The following SLC38A10 variants were observed in gnomAD, a reference collection of about 807,000 sequenced individuals.
SLC38A10 encodes the protein solute carrier family 38 member 10.
SLC38A10 carries 53 observed loss-of-function variants against 81.0 expected under a neutral mutation model. The ratio of observed to expected loss-of-function variants is 0.65; its 90% CI spans 0.53 to 0.82. The LOEUF is 0.82. Ranked by LOEUF, SLC38A10 falls within the 40% of genes least tolerant of loss-of-function variation. SLC38A10 has a pLI of 0.00. For missense variants in SLC38A10, 1,471 were observed against 1,545.0 expected, an observed-to-expected ratio of 0.95 and a Z score of 0.80; for synonymous variants, 665 against 655.3, an observed-to-expected ratio of 1.01 and a Z score of -0.23.
chr17:81,257,965 G>T (rs1437496816), intron 11 of SLC38A10, among the ~76,000 whole-genome samples: 2 of 152,262 alleles, frequency 1.3e-5, no homozygotes, highest in Non-Finnish European at 2.9e-5. Context: ...CCTTCAGGGT[G>T]CTAGAGAGAG....
rs988909439 is a variant in SLC38A10 at position 81,286,415 on chromosome 17, C to T, written c.218-1520G>A. Among the ~76,000 whole-genome samples the T allele has an allele frequency of 6.6e-6, 1 of 152,172 alleles. No individual in the cohort carries two copies. Among genetic ancestry groups the T allele is most frequent in the Non-Finnish European group, 1.5e-5 (1 of 68,036 alleles). ...CACCACGCTGAGACACGGCCCCACG[C>T]GCCTTCTTTTCCCCACCTGGGCCAA... On this transcript the variant is annotated intron_variant, in intron 2 of 15. Transcript: ENST00000374759. This position sits in a 1 kb window ranked among gnomAD's most constrained non-coding sequence, Gnocchi z 6.0.
intron 8 of SLC38A10, among the ~76,000 whole-genome samples, chr17:81,272,833 G>A (rs778069043): frequency 5.3e-5 from 8 of 152,168 alleles, no homozygotes; most frequent in Non-Finnish European, 1.2e-4. Context: ...TGCCAGGAAG[G>A]CACGAGGGCT....
intron 11 of SLC38A10, among the ~76,000 whole-genome samples, chr17:81,257,529 G>A (rs1277256064): frequency 1.3e-5 from 2 of 152,200 alleles, no homozygotes; most frequent in African/African-American, 2.4e-5. Flanking sequence ...CCCGCCATCC[G>A]TGCAGGACCT....
chr17:81,255,874 T>C (rs1052951697), intron 11 of SLC38A10, among the ~76,000 whole-genome samples: 12 of 152,182 alleles, frequency 7.9e-5, no homozygotes, highest in African/African-American at 2.9e-4. Flanking sequence ...TCTCGGCTAC[T>C]CAGAGGCTGA....
chr17:81,272,812 A>C (rs1021820332), intron 8 of SLC38A10, among the ~76,000 whole-genome samples, 185 bp from the exon 9 acceptor site: 4 of 152,166 alleles, frequency 2.6e-5, no homozygotes, highest in African/African-American at 9.7e-5. Context: ...CTTAAACGGG[A>C]ACCTGCAGCA....
chr17:81,272,727 C>G, intron 8 of SLC38A10, 100 bp from the exon 9 acceptor site: 1 of 786,596 alleles, frequency 1.3e-6, no homozygotes, highest in Non-Finnish European at 1.9e-6. Context: ...ACACCAGGCA[C>G]ATCTCCACGT....
Position 81,284,838 on chromosome 17 carries a change from G to A in SLC38A10, c.263+12C>T, listed in dbSNP as rs910541013. 76 of 1,537,774 alleles carry A rather than the reference G, an allele frequency of 4.9e-5. No individual in the cohort carries two copies. Among genetic ancestry groups the A allele is most frequent in the Non-Finnish European group, 6.6e-5 (75 of 1,139,740 alleles). On this transcript the variant is annotated intron_variant, in intron 3 of 15. Transcript: ENST00000374759. ...GGGTGGGGGGCAAGCGCAGCGGCAG[G>A]GCGGGGCTTACCTGGTCTCCACCAG...
chr17:81,271,925 C>T (rs2063119441), intron 9 of SLC38A10, among the ~76,000 whole-genome samples: 1 of 151,868 alleles, frequency 6.6e-6, no homozygotes, highest in Non-Finnish European at 1.5e-5. Context: ...GACGGGGTTT[C>T]ACCGTGTTAG....
At chr17:81,250,004 G>A in intron 14 of SLC38A10, 1 of 1,265,874 alleles carries the variant, frequency 7.9e-7, no homozygotes, top group Admixed American at 2.5e-5. Context: ...CCACCGAGGG[G>A]CTGCGCTCAG....
At chr17:81,262,042 G>T (rs1237030533) in intron 10 of SLC38A10, among the ~76,000 whole-genome samples, 1 of 152,236 alleles carries the variant, frequency 6.6e-6, no homozygotes. Flanking sequence ...GTGGTGTCTG[G>T]AAGGTGACCA....
chr17:81,294,702 G>T (rs1343741750), intron 1 of SLC38A10, 121 bp downstream of exon 1: 18 of 830,928 alleles, frequency 2.2e-5, no homozygotes, highest in Admixed American at 4.3e-5. Context: ...CCCCGCCCGC[G>T]GCCGCCTGCA....
At chr17:81,252,140 C>G (rs1055808235) in intron 13 of SLC38A10, 55 bp downstream of exon 13, 2 of 1,486,788 alleles carry the variant, frequency 1.3e-6, no homozygotes, top group African/African-American at 2.8e-5. Context: ...CCCTGCCCAG[C>G]CTCCCCAGCC....
chr17:81,262,349 G>A (rs1426870552), intron 10 of SLC38A10, among the ~76,000 whole-genome samples: 3 of 152,206 alleles, frequency 2.0e-5, no homozygotes, highest in Non-Finnish European at 2.9e-5. Flanking sequence ...GGGTCCGGAT[G>A]GAAATTCAAC....
intron 6 of SLC38A10, among the ~76,000 whole-genome samples, chr17:81,279,424 C>G (rs1326324114): frequency 6.6e-6 from 1 of 152,212 alleles, no homozygotes; most frequent in Non-Finnish European, 1.5e-5. Flanking sequence ...AGAGATGTCT[C>G]TGCTCTCAGA....
In SLC38A10 at chr17:81,245,767, C is replaced by T. The variant is rs765602382; in HGVS notation, c.3149G>A (p.Arg1050Gln). 31 of 1,596,446 alleles carry T rather than the reference C, an allele frequency of 1.9e-5. No individual in the cohort carries two copies. Among genetic ancestry groups the T allele is most frequent in the African/African-American group, 2.7e-5 (2 of 74,626 alleles). Reference sequence around the variant, plus strand: ...AGGGCCAAGGTCCCGCCGTCGCCTCCGGAGGTCGGAGCCAGCCTGCAGTTT... The same window carrying T: ...AGGGCCAAGGTCCCGCCGTCGCCTCTGGAGGTCGGAGCCAGCCTGCAGTTT... ...DLKLQAGSDL[R>Q]RRRRDLGPHA... is the part of the protein sequence containing the mutation. Residue 1050 changes from arginine to glutamine, a missense_variant, in exon 16 of 16, where the codon CGG (arginine) becomes CAG (glutamine). Coordinates refer to ENST00000374759, the MANE Select transcript of SLC38A10 (RefSeq NM_001037984.3).
chr17:81,287,483 C>T (rs1030132487), intron 2 of SLC38A10, among the ~76,000 whole-genome samples: 1 of 152,246 alleles, frequency 6.6e-6, no homozygotes, highest in Non-Finnish European at 1.5e-5. Flanking sequence ...ACTTCTAAGA[C>T]GAGCCAGGGC....
At chr17:81,263,614 T>C (rs936830784) in intron 10 of SLC38A10, 1 of 152,358 alleles carries the variant, frequency 6.6e-6, no homozygotes, top group Non-Finnish European at 1.5e-5. Context: ...ACCACTGCCT[T>C]GAGCACAAGC....
intron 11 of SLC38A10, among the ~76,000 whole-genome samples, chr17:81,255,411 G>T (rs568248202): frequency 6.6e-6 from 1 of 152,352 alleles, no homozygotes; most frequent in African/African-American, 2.4e-5. Context: ...ATCAGCAACT[G>T]AAAAACGTCC....
chr17:81,257,815 G>A (rs573191609), intron 11 of SLC38A10, among the ~76,000 whole-genome samples: 41 of 152,358 alleles, frequency 2.7e-4, no homozygotes, highest in Admixed American at 4.6e-4. Flanking sequence ...CTGGGGGAGC[G>A]GGGACGAGGG....
Sources: gnomAD v4.1 joint callset for allele counts (sites outside exome capture counted in the v4.1 genomes callset) on GRCh38, gnomAD v4.1.1 for gene constraint, Gnocchi (gnomAD v3.1) non-coding constraint, MANE v1.5 for transcripts, NCBI Gene and HGNC (gene_info 2026-07-23, HGNC 2026-07-21) for gene names.